ADAM18: variants seen among roughly 807,000 people sequenced by gnomAD.
ADAM18 encodes the protein ADAM metallopeptidase domain 18, also known as disintegrin and metalloproteinase domain-containing protein 18.
A neutral mutation model predicts 94.4 loss-of-function variants in ADAM18; 117 were observed. The observed-to-expected ratio is 1.24, with a 90% CI of 1.07 to 1.45. The LOEUF (loss-of-function observed/expected upper bound fraction) is 1.45. ADAM18 is among the 40% of genes most tolerant of loss of function. ADAM18 has a pLI of 0.00. For missense variants in ADAM18, 936 were observed against 880.0 expected, an observed-to-expected ratio of 1.06 and a Z score of -0.81; for synonymous variants, 327 against 291.6, an observed-to-expected ratio of 1.12 and a Z score of -1.24.
intron 10 of ADAM18, 115 bp from the exon 11 acceptor site, chr8:39,645,223 G>C (rs1820345030): frequency 2.0e-5 from 17 of 862,048 alleles, no homozygotes; most frequent in Non-Finnish European, 2.7e-5. Flanking sequence ...TTGTTGTGAA[G>C]TATGCTTAAC....
At chr8:39,609,343 C>CTT in intron 4 of ADAM18, 142 bp from the exon 5 acceptor site, 1 of 685,438 alleles carries the variant, frequency 1.5e-6, no homozygotes, top group South Asian at 2.3e-5. Flanking sequence ...TGTCACAAAT[C>CTT]TTTTTTTTTC....
intron 14 of ADAM18, among the ~76,000 whole-genome samples, chr8:39,670,853 C>T (rs1279783032): frequency 2.0e-5 from 3 of 152,214 alleles, no homozygotes; most frequent in Non-Finnish European, 4.4e-5. Context: ...TGCCCAAAGG[C>T]ACACACTTCT....
At chr8:39,676,300 G>A (rs1282707838) in intron 14 of ADAM18, among the ~76,000 whole-genome samples, 2 of 152,210 alleles carry the variant, frequency 1.3e-5, no homozygotes, top group African/African-American at 2.4e-5. Flanking sequence ...AGTGGACTCT[G>A]CCAAGTTTGG....
At chr8:39,631,686 C>A (rs1819934331) in intron 7 of ADAM18, among the ~76,000 whole-genome samples, 1 of 151,784 alleles carries the variant, frequency 6.6e-6, no homozygotes, top group South Asian at 2.1e-4. Context: ...TTTGGAATCA[C>A]CCTCTAAAAT....
At chr8:39,700,323 A>T (rs1822029886) in intron 17 of ADAM18, among the ~76,000 whole-genome samples, 1 of 152,158 alleles carries the variant, frequency 6.6e-6, no homozygotes, top group Admixed American at 6.5e-5. Flanking sequence ...TTGCTTACTT[A>T]TGTAAGCAGT....
At chr8:39,709,359 C>G (rs1392416564) in intron 18 of ADAM18, among the ~76,000 whole-genome samples, 1 of 152,198 alleles carries the variant, frequency 6.6e-6, no homozygotes, top group Non-Finnish European at 1.5e-5. Flanking sequence ...AGCTGCTTCT[C>G]CTCTGTGCCA....
At chr8:39,634,243 C>CTA (rs1425683286) in intron 7 of ADAM18, among the ~76,000 whole-genome samples, 1 of 152,152 alleles carries the variant, frequency 6.6e-6, no homozygotes, top group Non-Finnish European at 1.5e-5. Flanking sequence ...CCACCTGGTG[C>CTA]TAACTCTCCA....
intron 16 of ADAM18, among the ~76,000 whole-genome samples, chr8:39,690,919 A>G (rs1392587018): frequency 2.0e-5 from 3 of 152,224 alleles, no homozygotes; most frequent in African/African-American, 7.2e-5. Flanking sequence ...GTTCATTGTG[A>G]AACTATTCAC....
At chr8:39,608,788 G>A (rs111647080) in intron 3 of ADAM18, among the ~76,000 whole-genome samples, 123 of 152,094 alleles carry the variant, frequency 8.1e-4, no homozygotes, top group African/African-American at 2.8e-3. Flanking sequence ...TTTGTTGAAC[G>A]TCATCATACA....
intron 18 of ADAM18, among the ~76,000 whole-genome samples, chr8:39,712,484 G>A (rs933729094): frequency 1.3e-5 from 2 of 152,088 alleles, no homozygotes; most frequent in South Asian, 4.1e-4. Flanking sequence ...ATTCAATTAG[G>A]GAAAGAGGAA....
chr8:39,706,262 T>C (rs1469000735), intron 17 of ADAM18, among the ~76,000 whole-genome samples: 1 of 152,136 alleles, frequency 6.6e-6, no homozygotes, highest in Non-Finnish European at 1.5e-5. Flanking sequence ...TATGTTATTT[T>C]ATTATGGAAA....
At chr8:39,629,805 G>A (rs1204180605) in intron 7 of ADAM18, among the ~76,000 whole-genome samples, 3 of 151,794 alleles carry the variant, frequency 2.0e-5, no homozygotes, top group South Asian at 2.1e-4. Flanking sequence ...TTTTATTTTA[G>A]GGGTGTTAGA....
chr8:39,618,292 G>A (rs186134112), intron 6 of ADAM18, among the ~76,000 whole-genome samples: 63 of 152,250 alleles, frequency 4.1e-4, no homozygotes, highest in Non-Finnish European at 7.1e-4. Context: ...GCCCAACAAT[G>A]CATTCGATAT....
At chr8:39,613,159 C>G (rs1029999151) in intron 6 of ADAM18, among the ~76,000 whole-genome samples, 7 of 152,174 alleles carry the variant, frequency 4.6e-5, no homozygotes, top group African/African-American at 1.7e-4. Flanking sequence ...CCAGCCACTG[C>G]TGGTCTGCAT....
chr8:39,594,802 T>TG (rs1214308636), intron 2 of ADAM18, among the ~76,000 whole-genome samples: 41 of 149,118 alleles, frequency 2.7e-4, no homozygotes, highest in African/African-American at 9.8e-4. Flanking sequence ...AGTTTTTTTT[T>TG]TTTTTTTTTT....
chr8:39,619,315 C>T (rs754639428), intron 6 of ADAM18, among the ~76,000 whole-genome samples: 12 of 152,240 alleles, frequency 7.9e-5, no homozygotes, highest in South Asian at 2.1e-4. Context: ...AAGATAAAAG[C>T]GACCGAATGG....
chr8:39,667,937 C>T, intron 13 of ADAM18, 61 bp from the exon 14 acceptor site: 1 of 1,481,134 alleles, frequency 6.8e-7, no homozygotes, highest in Non-Finnish European at 9.4e-7. Context: ...TAAATCTTTT[C>T]ACTAAGCAAT....
At chr8:39,592,404 G>A (rs773095438) in intron 2 of ADAM18, among the ~76,000 whole-genome samples, 15 of 152,076 alleles carry the variant, frequency 9.9e-5, no homozygotes, top group Non-Finnish European at 2.1e-4. Context: ...GTTTATTGCA[G>A]CACTATTCAC....
chr8:39,654,820 T>G (rs1820642152), intron 12 of ADAM18, among the ~76,000 whole-genome samples: 1 of 152,212 alleles, frequency 6.6e-6, no homozygotes, highest in South Asian at 2.1e-4. Context: ...TTCATATATC[T>G]GTTGTCATTT....
Sources: allele counts gnomAD v4.1 joint callset (sites outside exome capture counted in the v4.1 genomes callset), GRCh38; gene constraint gnomAD v4.1.1; transcripts MANE v1.5; gene names NCBI Gene and HGNC (gene_info 2026-07-23, HGNC 2026-07-21).